Variants in NTNG1 observed in about 807,000 individuals in gnomAD.
NTNG1 encodes netrin-G1.
A neutral mutation model predicts 54.0 loss-of-function variants in NTNG1; 16 were observed. The ratio of observed to expected loss-of-function variants is 0.30; its 90% CI spans 0.20 to 0.45. NTNG1 has a LOEUF of 0.45. Ranked by LOEUF, NTNG1 falls within the 20% of genes least tolerant of loss-of-function variation. NTNG1 has a pLI of 1.00. For synonymous variants in NTNG1, 255 were observed against 263.1 expected (o/e 0.97, Z 0.30); for missense variants, 530 against 678.7 (o/e 0.78, Z 2.43).
chr1:107,310,093 A>T (rs191744629), intron 2 of NTNG1, among the ~76,000 whole-genome samples: 1 of 152,184 alleles, frequency 6.6e-6, no homozygotes, highest in African/African-American at 2.4e-5. Context: ...ATGGTCATTG[A>T]TTCCTTCTCC....
At chr1:107,240,060 G>T (rs769125156) in intron 2 of NTNG1, among the ~76,000 whole-genome samples, 8 of 152,088 alleles carry the variant, frequency 5.3e-5, no homozygotes, top group Non-Finnish European at 8.8e-5. Context: ...AATGCAGAAG[G>T]TTCCATTACA....
At chr1:107,191,424 T>G (rs1657922373) in intron 2 of NTNG1, among the ~76,000 whole-genome samples, 1 of 152,028 alleles carries the variant, frequency 6.6e-6, no homozygotes, top group Middle Eastern at 3.2e-3. Flanking sequence ...AGAAGCTCTT[T>G]AGTTTAATTA....
intron 3 of NTNG1, among the ~76,000 whole-genome samples, chr1:107,325,175 C>A (rs933138683): frequency 1.3e-5 from 2 of 152,114 alleles, no homozygotes; most frequent in Admixed American, 1.3e-4. Flanking sequence ...TAAAAAGTAA[C>A]TCCCTGAGTC....
chr1:107,381,227 A>G (rs930483383), intron 3 of NTNG1, among the ~76,000 whole-genome samples: 1 of 152,038 alleles, frequency 6.6e-6, no homozygotes, highest in African/African-American at 2.4e-5. Flanking sequence ...TTTTACAGAT[A>G]AGGAGCTAGA....
intron 2 of NTNG1, among the ~76,000 whole-genome samples, chr1:107,220,364 G>C (rs553647739): frequency 3.8e-4 from 58 of 152,326 alleles, no homozygotes; most frequent in African/African-American, 1.4e-3. Flanking sequence ...GTATGTTCTT[G>C]TGGTAGTTCT....
intron 2 of NTNG1, among the ~76,000 whole-genome samples, chr1:107,307,765 C>T (rs1323224820): frequency 2.6e-5 from 4 of 152,184 alleles, no homozygotes; most frequent in Admixed American, 6.5e-5. Flanking sequence ...CTAACTTCCT[C>T]CTATTTTTAC....
chr1:107,436,856 G>C (rs908491465), intron 7 of NTNG1, 57 bp downstream of exon 7: 9 of 1,566,446 alleles, frequency 5.7e-6, no homozygotes, highest in African/African-American at 1.4e-5. Flanking sequence ...TTTCTGCTTG[G>C]CTAGGCCGGT....
intron 5 of NTNG1, chr1:107,408,075 T>C (rs1056631965): frequency 4.5e-5 from 15 of 335,266 alleles, no homozygotes; most frequent in African/African-American, 3.2e-4. Context: ...AGACTGGATT[T>C]GGATGTCTGA....
intron 2 of NTNG1, among the ~76,000 whole-genome samples, chr1:107,214,694 T>C (rs1157362588): frequency 1.3e-5 from 2 of 152,192 alleles, no homozygotes; most frequent in African/African-American, 2.4e-5. Flanking sequence ...TTTAGTTCTT[T>C]AAGGAATCTT....
At position 107,481,046 on chromosome 1, in the gene NTNG1, G is replaced by C; in HGVS notation, c.*206G>C. ...AGACTGTTAATTTCTGACTCCAGAG[G>C]AGTTGGCAGCTGTTGATATTATCAC... On this transcript the variant is annotated 3_prime_UTR_variant, in exon 8 of 8. Coordinates refer to ENST00000370068, the MANE Select transcript of NTNG1 (RefSeq NM_001113226.3). The C allele has an allele frequency of 1.9e-6, 1 of 525,354 alleles. No homozygotes were observed. Among genetic ancestry groups the C allele is most frequent in the Non-Finnish European group, 3.4e-6 (1 of 293,572 alleles). The allele number at this position is 525,354 out of a possible 1,614,324, so 32.5% of individuals were successfully genotyped here.
In NTNG1 at chr1:107,210,075, G is replaced by C. The variant is rs6698509; in HGVS notation, c.246+61236G>C. On this transcript the variant is annotated intron_variant, in intron 2 of 7. Coordinates refer to ENST00000370068, the MANE Select transcript of NTNG1 (RefSeq NM_001113226.3). ...AGAAAGGGGATGCACTTTGAGCAAAGGCTGCAATGAGATGGAAACGTGAAC... is the reference window on the plus strand; with the variant it reads ...AGAAAGGGGATGCACTTTGAGCAAACGCTGCAATGAGATGGAAACGTGAAC... Among the ~76,000 whole-genome samples, 1,046 of 152,220 alleles carry C rather than the reference G, an allele frequency of 6.9e-3. 11 individuals carry two copies. Among genetic ancestry groups the C allele is most frequent in the African/African-American group, 0.024 (1,002 of 41,530 alleles).
intron 2 of NTNG1, among the ~76,000 whole-genome samples, chr1:107,223,452 G>A (rs1570896379): frequency 6.6e-6 from 1 of 152,192 alleles, no homozygotes; most frequent in East Asian, 1.9e-4. Context: ...GAATACTAGG[G>A]CAGGAAGAGG....
chr1:107,394,581 G>A lies in NTNG1; in HGVS notation c.888-573G>A, dbSNP rs1224136709. ...CTTCGGGTCTGTTAGCAGCCTTGGT[G>A]GAAAATCTCTTCTGATCTGAGGAAA... On this transcript the variant is annotated intron_variant, in intron 3 of 7. Coordinates refer to ENST00000370068, the MANE Select transcript of NTNG1 (RefSeq NM_001113226.3). Among the ~76,000 whole-genome samples the A allele has an allele frequency of 2.6e-5, 4 of 152,238 alleles. No individual in the cohort carries two copies. The East Asian group carries it at 7.7e-4, about 29-fold the overall frequency.
At chr1:107,208,196 A>G (rs1659337372) in intron 2 of NTNG1, among the ~76,000 whole-genome samples, 1 of 152,174 alleles carries the variant, frequency 6.6e-6, no homozygotes, top group Non-Finnish European at 1.5e-5. Flanking sequence ...TTGAGAGGCC[A>G]AGACGGGCTG....
At chr1:107,371,764 T>G (rs1011190013) in intron 3 of NTNG1, among the ~76,000 whole-genome samples, 1 of 152,044 alleles carries the variant, frequency 6.6e-6, no homozygotes, top group Non-Finnish European at 1.5e-5. Context: ...CTGATGCAAG[T>G]AACAGGCTGG....
At chr1:107,438,335 CA>C (rs1186267738) in intron 7 of NTNG1, among the ~76,000 whole-genome samples, 1 of 152,136 alleles carries the variant, frequency 6.6e-6, no homozygotes, top group East Asian at 1.9e-4. Context: ...AGTCAGGCCT[CA>C]CACCTGTATA....
intron 2 of NTNG1, among the ~76,000 whole-genome samples, chr1:107,229,658 T>A (rs759773309): frequency 6.6e-6 from 1 of 151,984 alleles, no homozygotes; most frequent in Non-Finnish European, 1.5e-5. Context: ...TCCTGTAATA[T>A]CTTATCTTCC....
At chr1:107,181,228 C>A (rs747348229) in intron 2 of NTNG1, among the ~76,000 whole-genome samples, 9 of 152,054 alleles carry the variant, frequency 5.9e-5, no homozygotes, top group Non-Finnish European at 1.3e-4. Context: ...GTATTCAGAG[C>A]TGCTTTCTTA....
intron 2 of NTNG1, among the ~76,000 whole-genome samples, chr1:107,257,788 A>G (rs745345461): frequency 1.3e-5 from 2 of 152,220 alleles, no homozygotes; most frequent in Non-Finnish European, 2.9e-5. Flanking sequence ...GCAGAGAGCA[A>G]AATCACAGAT....
Sources: allele counts gnomAD v4.1 joint callset (sites outside exome capture counted in the v4.1 genomes callset), GRCh38; gene constraint gnomAD v4.1.1; transcripts MANE v1.5; gene names NCBI Gene and HGNC (gene_info 2026-07-23, HGNC 2026-07-21).